The following FAM163A variants were observed in gnomAD, a reference collection of about 807,000 sequenced individuals.
FAM163A encodes the protein protein FAM163A.
Under a neutral mutation model 12.0 loss-of-function variants are expected in FAM163A, and 7 were observed. That is an observed-to-expected ratio of 0.58 (90% confidence interval 0.33 to 1.10). The LOEUF is 1.10. Among genes scored for constraint, FAM163A ranks in the 50% least tolerant of loss-of-function variants. The pLI is 0.03. For missense variants in FAM163A, 202 were observed against 218.6 expected (o/e 0.92, Z 0.48); for synonymous variants, 101 against 91.0 (o/e 1.11, Z -0.62).
intron 1 of FAM163A, among the ~76,000 whole-genome samples, chr1:179,745,757 G>A (rs1364583960): frequency 2.6e-4 from 39 of 152,152 alleles, no homozygotes; most frequent in Admixed American, 2.5e-3. Context: ...AACTGAGTTT[G>A]GGGGTAGGGT....
At chr1:179,813,018 C>G in intron 3 of FAM163A, 58 bp from the exon 4 acceptor site, 1 of 1,489,710 alleles carries the variant, frequency 6.7e-7, no homozygotes. Context: ...AGACTCCCCC[C>G]GGCCCAGCCC....
intron 1 of FAM163A, among the ~76,000 whole-genome samples, chr1:179,752,248 C>A (rs1344810241): frequency 6.6e-6 from 1 of 152,038 alleles, no homozygotes; most frequent in East Asian, 1.9e-4. Context: ...TATCCCCATA[C>A]AAAAGAATAA....
At chr1:179,757,490 A>G (rs1025574323) in intron 1 of FAM163A, among the ~76,000 whole-genome samples, 1 of 152,188 alleles carries the variant, frequency 6.6e-6, no homozygotes, top group Non-Finnish European at 1.5e-5. Flanking sequence ...AGTGCCCTCC[A>G]TGATGTAGAC....
intron 1 of FAM163A, among the ~76,000 whole-genome samples, chr1:179,783,725 T>TTATATATATATATATATA (rs1690129346): frequency 2.5e-5 from 2 of 80,298 alleles, no homozygotes; most frequent in African/African-American, 1.1e-4. Context: ...CTTCCCAAAT[T>TTATATATATATATATATA]TTATATAATT....
At position 179,815,114 on chromosome 1, in the gene FAM163A, GACACACA is replaced by G. The variant is rs1695210096; in HGVS notation, c.*926_*932del. The G allele has an allele frequency of 1.5e-5, 2 of 129,872 alleles. No individual in the cohort carries two copies. Among genetic ancestry groups the G allele is most frequent in the African/African-American group, 7.5e-5 (2 of 26,556 alleles). The allele number at this position is 129,872 out of a possible 1,614,324, so 8.0% of individuals were successfully genotyped here. A position where few individuals can be genotyped will look rare whatever the true frequency, so the allele number is the denominator to read the frequency against. Reference sequence around the variant, plus strand: ...GTACGCACGCGCGCGCGCGCGCACAGACACACACACACACACACACACACACACACAC... The same window carrying G: ...GTACGCACGCGCGCGCGCGCGCACAGCACACACACACACACACACACACAC... On this transcript the variant is annotated 3_prime_UTR_variant, in exon 5 of 5. Coordinates refer to ENST00000341785, the MANE Select transcript of FAM163A (RefSeq NM_173509.3).
intron 1 of FAM163A, among the ~76,000 whole-genome samples, chr1:179,775,818 T>C (rs879812635): frequency 6.6e-5 from 10 of 152,228 alleles, no homozygotes; most frequent in Admixed American, 2.0e-4. Flanking sequence ...GGGGCCGACC[T>C]TTATTCTAGC....
At chr1:179,753,598 G>A (rs988992690) in intron 1 of FAM163A, among the ~76,000 whole-genome samples, 2 of 152,140 alleles carry the variant, frequency 1.3e-5, no homozygotes, top group African/African-American at 4.8e-5. Context: ...GGAGAAAGAG[G>A]GACCACTCTC....
chr1:179,787,246 C>A (rs1012175638), intron 1 of FAM163A, among the ~76,000 whole-genome samples: 4 of 152,164 alleles, frequency 2.6e-5, no homozygotes, highest in Non-Finnish European at 1.5e-5. Context: ...TTTAGCTGGG[C>A]TATTAGGCCT....
At chr1:179,748,375 A>G (rs1297958797) in intron 1 of FAM163A, among the ~76,000 whole-genome samples, 1 of 152,136 alleles carries the variant, frequency 6.6e-6, no homozygotes, top group Non-Finnish European at 1.5e-5. Flanking sequence ...CAGCAAGGAG[A>G]GGTAAAGTCA....
chr1:179,809,406 G>A (rs180879385), intron 2 of FAM163A, among the ~76,000 whole-genome samples: 2 of 152,222 alleles, frequency 1.3e-5, no homozygotes, highest in South Asian at 2.1e-4. Context: ...GACGTGAGAG[G>A]AATGTGAGAG....
At chr1:179,749,097 G>C (rs1255641941) in intron 1 of FAM163A, among the ~76,000 whole-genome samples, 4 of 152,202 alleles carry the variant, frequency 2.6e-5, no homozygotes, top group African/African-American at 9.7e-5. Context: ...CAGAACACTG[G>C]AGTAAGAGTG....
chr1:179,744,443 G>A (rs1203222259), intron 1 of FAM163A, among the ~76,000 whole-genome samples: 1 of 152,198 alleles, frequency 6.6e-6, no homozygotes, highest in South Asian at 2.1e-4. Context: ...GGTAGAGGCC[G>A]AGAGCCGCGC....
intron 1 of FAM163A, among the ~76,000 whole-genome samples, chr1:179,765,809 C>T (rs1687421494): frequency 6.6e-6 from 1 of 152,064 alleles, no homozygotes; most frequent in Non-Finnish European, 1.5e-5. Context: ...TAGTGCCCCC[C>T]AGTGCCTGGG....
At chr1:179,792,465 C>T (rs1691658770) in intron 1 of FAM163A, among the ~76,000 whole-genome samples, 1 of 152,112 alleles carries the variant, frequency 6.6e-6, no homozygotes, top group African/African-American at 2.4e-5. Context: ...ATATCTTAAA[C>T]AGAAGGCCCA....
intron 3 of FAM163A, among the ~76,000 whole-genome samples, chr1:179,812,414 A>G (rs1474362822): frequency 6.6e-6 from 1 of 152,082 alleles, no homozygotes; most frequent in Non-Finnish European, 1.5e-5. Context: ...TTTGTTTTCC[A>G]GGAGGGTTTG....
chr1:179,759,774 C>T (rs899142446), intron 1 of FAM163A, among the ~76,000 whole-genome samples: 1 of 152,102 alleles, frequency 6.6e-6, no homozygotes, highest in Admixed American at 6.6e-5. Flanking sequence ...TCAAGTGATT[C>T]TCCTGCCTCA....
intron 1 of FAM163A, among the ~76,000 whole-genome samples, chr1:179,800,374 C>A (rs1406521074): frequency 6.6e-6 from 1 of 152,246 alleles, no homozygotes; most frequent in Non-Finnish European, 1.5e-5. Flanking sequence ...ATGTAGGCAG[C>A]ACCTCTGAGA....
intron 1 of FAM163A, among the ~76,000 whole-genome samples, chr1:179,806,396 G>A (rs1426072778): frequency 6.6e-6 from 1 of 151,940 alleles, no homozygotes; most frequent in Non-Finnish European, 1.5e-5. Flanking sequence ...GCAGGAGCTG[G>A]GAGAGTGTAG....
At chr1:179,765,011 G>A (rs571551381) in intron 1 of FAM163A, among the ~76,000 whole-genome samples, 2 of 152,190 alleles carry the variant, frequency 1.3e-5, no homozygotes, top group Non-Finnish European at 2.9e-5. Context: ...CAGAGATCGC[G>A]GGATCTCAGA....
Sources: allele counts gnomAD v4.1 joint callset (sites outside exome capture counted in the v4.1 genomes callset), GRCh38; gene constraint gnomAD v4.1.1; transcripts MANE v1.5; gene names NCBI Gene and HGNC (gene_info 2026-07-23, HGNC 2026-07-21).